Variants in KIF5B observed in about 807,000 individuals in gnomAD.
The protein encoded by KIF5B is kinesin family member 5B.
A neutral mutation model predicts 132.8 loss-of-function variants in KIF5B; 49 were observed. The ratio of observed to expected loss-of-function variants is 0.37; its 90% CI spans 0.29 to 0.47. The LOEUF is 0.47. Ranked by LOEUF, KIF5B falls within the 20% of genes least tolerant of loss-of-function variation. The pLI is 1.00. For missense variants in KIF5B, 780 were observed against 1,144.0 expected (o/e 0.68, Z 4.59); for synonymous variants, 355 against 369.4 (o/e 0.96, Z 0.45).
intron 24 of KIF5B, among the ~76,000 whole-genome samples, chr10:32,015,884 G>T (rs929264728): frequency 2.6e-5 from 4 of 152,084 alleles, no homozygotes; most frequent in Non-Finnish European, 5.9e-5. Context: ...GCTCATACCT[G>T]TGTAATCCCA....
At chr10:32,049,732 CAA>C (rs373135892) in intron 1 of KIF5B, among the ~76,000 whole-genome samples, 32 of 137,380 alleles carry the variant, frequency 2.3e-4, no homozygotes, top group African/African-American at 4.3e-4. Flanking sequence ...GGGTATTGAA[CAA>C]AAAAAAAAAA....
intron 19 of KIF5B, among the ~76,000 whole-genome samples, chr10:32,020,256 G>T (rs1238440900): frequency 6.6e-6 from 1 of 151,820 alleles, no homozygotes; most frequent in African/African-American, 2.4e-5. Flanking sequence ...TCATTATTTT[G>T]TTATGTTATT....
At chr10:32,023,070 CA>C in intron 15 of KIF5B, 34 bp from the exon 16 acceptor site, 2 of 1,304,000 alleles carry the variant, frequency 1.5e-6, no homozygotes, top group Non-Finnish European at 1.0e-6. Flanking sequence ...AAATTAAAGC[CA>C]AAAATGTTCA....
Position 32,051,100 on chromosome 10 carries a change from CTAAGT to C in KIF5B, c.127-2554_127-2550del, listed in dbSNP as rs552259789. Among the ~76,000 whole-genome samples, 367 of 152,244 alleles carry C rather than the reference CTAAGT, an allele frequency of 2.4e-3. 3 individuals carry two copies. Among genetic ancestry groups the C allele is most frequent in the African/African-American group, 8.3e-3 (345 of 41,546 alleles). ...ATAAGGCCAGATAAAAACCTGAATA[CTAAGT>C]TAAGTTATACACTTGGATCTAATAT... On this transcript the variant is annotated intron_variant, in intron 1 of 25. Coordinates refer to ENST00000302418, the MANE Select transcript of KIF5B (RefSeq NM_004521.3).
chr10:32,055,230 C>A (rs211297), intron 1 of KIF5B, among the ~76,000 whole-genome samples: 50 of 151,566 alleles, frequency 3.3e-4, no homozygotes, highest in African/African-American at 1.2e-3. Context: ...ATCGATTTGC[C>A]ATTTGTAGTT....
chr10:32,024,219 A>AT, intron 15 of KIF5B, among the ~76,000 whole-genome samples: 1 of 108,362 alleles, frequency 9.2e-6, no homozygotes, highest in African/African-American at 3.6e-5. Flanking sequence ...CAGTGGCGGG[A>AT]TCTCGGCTCA....
rs1841063272 is a variant in KIF5B, at chr10:32,010,520, C to T, written c.*1017G>A. Reference sequence around the variant, plus strand: ...TATATATTTTTAATTCATCATATATCTGTCCTGTTTCTTCATTTTTCTCAA... The same window carrying T: ...TATATATTTTTAATTCATCATATATTTGTCCTGTTTCTTCATTTTTCTCAA... On this transcript the variant is annotated 3_prime_UTR_variant, in exon 26 of 26. Transcript: ENST00000302418. 6.6e-6 allele frequency: 1 copy of T among 152,128 alleles called. No homozygotes were observed. The highest frequency in any genetic ancestry group is 2.4e-5 in the African/African-American group (1 of 41,450). 9.4% of individuals were successfully genotyped at this position (152,128 alleles called of 1,614,324 possible).
At chr10:32,021,324 GCCTTTAAGGTTC>G in intron 17 of KIF5B, 37 bp from the exon 18 acceptor site, 1 of 1,459,612 alleles carries the variant, frequency 6.9e-7, no homozygotes, top group Admixed American at 1.7e-5. Flanking sequence ...AGTGAAATAA[GCCTTTAAGGTTC>G]CTCATATAAA....
rs559611376 is a variant in KIF5B, at chr10:32,032,681, G to A, written c.1374+25C>T. Reference sequence around the variant, plus strand: ...ACAAAACTATAAAGCTTTTCTGGAAGCAATGTAAAAGGTATTCAACTCACC... The same window carrying A: ...ACAAAACTATAAAGCTTTTCTGGAAACAATGTAAAAGGTATTCAACTCACC... On this transcript the variant is annotated intron_variant, in intron 13 of 25. Transcript: ENST00000302418. 6.1e-5 allele frequency: 95 copies of A among 1,566,952 alleles called. No homozygotes were observed. In the South Asian group the frequency reaches 1.0e-3, roughly 16 times the overall value.
chr10:32,040,343 G>A, intron 3 of KIF5B, 41 bp downstream of exon 3: 1 of 1,104,594 alleles, frequency 9.1e-7, no homozygotes, highest in Non-Finnish European at 1.4e-6. Context: ...AATGCTGTAT[G>A]TATTGCAAAC....
At chr10:32,049,896 G>A (rs1465158945) in intron 1 of KIF5B, among the ~76,000 whole-genome samples, 1 of 152,082 alleles carries the variant, frequency 6.6e-6, no homozygotes, top group African/African-American at 2.4e-5. Context: ...GTAACCAAGT[G>A]GTGCAGAAAA....
intron 23 of KIF5B, among the ~76,000 whole-genome samples, chr10:32,017,742 C>T (rs1473429937): frequency 6.6e-6 from 1 of 152,156 alleles, no homozygotes; most frequent in African/African-American, 2.4e-5. Context: ...AAAGACTTTG[C>T]AGTACTTTAA....
At chr10:32,031,764 C>T (rs896703959) in intron 13 of KIF5B, among the ~76,000 whole-genome samples, 38 of 148,882 alleles carry the variant, frequency 2.6e-4, no homozygotes, top group African/African-American at 7.9e-4. Flanking sequence ...TTTGGGAGGC[C>T]GAGGCGGGCG....
chr10:32,030,671 T>C (rs912144706), intron 14 of KIF5B, among the ~76,000 whole-genome samples: 6 of 152,246 alleles, frequency 3.9e-5, no homozygotes, highest in Non-Finnish European at 5.9e-5. Context: ...GTTGATTAAA[T>C]AGCATTTTAA....
chr10:32,045,206 C>T (rs570288189), intron 2 of KIF5B, among the ~76,000 whole-genome samples: 2 of 151,842 alleles, frequency 1.3e-5, no homozygotes, highest in African/African-American at 2.4e-5. Flanking sequence ...ACAGAACTCA[C>T]GAGAACAGCA....
Position 32,017,186 on chromosome 10 carries a change from G to A in KIF5B, c.2718C>T (p.Val906=), listed in dbSNP as rs1008333486. 1 of 1,614,068 alleles carries A rather than the reference G, an allele frequency of 6.2e-7. No individual in the cohort carries two copies. The highest frequency in any genetic ancestry group is 1.3e-5 in the African/African-American group (1 of 74,926). ...QQEVDRIKEA[V]RSKNMARRGH... ...CTCTTCTGGCCATATTCTTTGACCT[G>A]ACTGCTTCCTTTATGCGATCTACTT... Residue 906 remains valine (V), a synonymous_variant, in exon 24 of 26, where the codon GTC becomes GTT. Transcript: ENST00000302418.
In KIF5B at chr10:32,028,506, T is replaced by C; in HGVS notation, c.1647A>G (p.Lys549=). 1.2e-6 allele frequency: 2 copies of C among 1,613,790 alleles called. No individual in the cohort carries two copies. Among genetic ancestry groups the C allele is most frequent in the African/African-American group, 1.3e-5 (1 of 75,044 alleles). ...AAGATGCCATCATCTCAGCTGCTCG[T>C]TTTTTCTGGTGGTTGGTCATTTCCT... The part of the protein sequence containing the change: ...KLKEMTNHQK[K]RAAEMMASLL... The change falls in exon 15 of 26, where the codon AAA becomes AAG. Residue 549 remains lysine, a synonymous_variant. Transcript: ENST00000302418.
intron 2 of KIF5B, among the ~76,000 whole-genome samples, chr10:32,044,953 G>GACT (rs1166279611): frequency 6.6e-6 from 1 of 152,132 alleles, no homozygotes; most frequent in Non-Finnish European, 1.5e-5. Context: ...ATGAAGAAGG[G>GACT]ACTGAAATTT....
At chr10:32,026,437 C>CAAAAAAAAAAAAA (rs71027049) in intron 15 of KIF5B, among the ~76,000 whole-genome samples, 5 of 48,928 alleles carry the variant, frequency 1.0e-4, no homozygotes, top group Admixed American at 3.8e-4. Context: ...GATTCCGTCT[C>CAAAAAAAAAAAAA]AAAAAAAAAA....
Sources: gnomAD v4.1 joint callset for allele counts (sites outside exome capture counted in the v4.1 genomes callset) on GRCh38, gnomAD v4.1.1 for gene constraint, MANE v1.5 for transcripts, NCBI Gene and HGNC (gene_info 2026-07-23, HGNC 2026-07-21) for gene names.